The following FERMT3 variants were observed in gnomAD, a reference collection of about 807,000 sequenced individuals.
The protein encoded by FERMT3 is FERM domain containing kindlin 3, also known as fermitin family homolog 3.
Under a neutral mutation model 80.8 loss-of-function variants are expected in FERMT3, and 33 were observed. That is an observed-to-expected ratio of 0.41 (90% CI 0.31 to 0.55). The LOEUF is 0.55. FERMT3 is among the 20% of genes least tolerant of loss of function. The pLI, the probability that FERMT3 is intolerant of heterozygous loss-of-function variation, is 0.31. For synonymous variants in FERMT3, 375 were observed against 372.2 expected, an observed-to-expected ratio of 1.01 and a Z score of -0.09; for missense variants, 754 against 908.7, an observed-to-expected ratio of 0.83 and a Z score of 2.19.
chr11:64,221,420 G>C (rs1946678440), intron 13 of FERMT3, among the ~76,000 whole-genome samples: 1 of 152,012 alleles, frequency 6.6e-6, no homozygotes, highest in Non-Finnish European at 1.5e-5. Flanking sequence ...CTTGAACCCA[G>C]GAGTTTGAGA....
chr11:64,220,339 T>TGGGCAGGGGCCAGGGCC lies in FERMT3; in HGVS notation c.1311+21_1311+37dup. ...GCGGTGCCAGGATGTGAGTGAGGGC[T>TGGGCAGGGGCCAGGGCC]GGGCAGGGGCCAGGGCCGGGCAGGA... On this transcript the variant is annotated intron_variant, in intron 11 of 14. Transcript: ENST00000345728. 1 of 1,612,134 alleles carries TGGGCAGGGGCCAGGGCC rather than the reference T, an allele frequency of 6.2e-7. No individual in the cohort carries two copies. Among genetic ancestry groups the TGGGCAGGGGCCAGGGCC allele is most frequent in the South Asian group, 1.1e-5 (1 of 91,054 alleles).
At position 64,207,419 on chromosome 11, in the gene FERMT3, C is replaced by T. The variant is rs747046546; in HGVS notation, c.55C>T (p.Arg19Trp). 5.6e-6 allele frequency: 9 copies of T among 1,614,098 alleles called. No homozygotes were observed. The highest frequency in any genetic ancestry group is 1.3e-5 in the African/African-American group (1 of 75,016). The change falls in exon 2 of 15, where the codon CGG becomes TGG. Residue 19 changes from arginine (R) to tryptophan (W), a missense_variant. Coordinates refer to ENST00000345728, the MANE Select transcript of FERMT3 (RefSeq NM_031471.6). ...GDYIDSSWELRVFVGEEDPEA... is the reference protein window; with the variant it reads ...GDYIDSSWELWVFVGEEDPEA... ...CTACATCGACTCGTCATGGGAGCTGCGGGTGTTTGTGGGAGAGGAGGACCC... is the reference window on the plus strand; with the variant it reads ...CTACATCGACTCGTCATGGGAGCTGTGGGTGTTTGTGGGAGAGGAGGACCC...
intron 14 of FERMT3, 22 bp from the exon 15 acceptor site, chr11:64,223,291 T>G: frequency 5.0e-6 from 8 of 1,613,656 alleles, no homozygotes; most frequent in Non-Finnish European, 6.8e-6. Context: ...ACCCACCATT[T>G]GCCCCTCTGT....
In FERMT3 at chr11:64,211,373, C is replaced by T; in HGVS notation, c.613C>T (p.Pro205Ser). The part of the protein sequence containing the change: ...YHMLSRPQPP[P>S]DPLLLQRLPR... ...CATGCTGAGCCGGCCCCAGCCGCCA[C>T]CCGACCCCCTCCTGCTCCAGCGTCT... The change falls in exon 5 of 15, where the codon CCC (proline) becomes TCC (serine). Residue 205 changes from proline (P) to serine (S), a missense_variant. Coordinates refer to ENST00000345728, the MANE Select transcript of FERMT3 (RefSeq NM_031471.6). The surrounding 1 kb of genome is among the most constrained non-coding windows in gnomAD (Gnocchi z 4.7). The T allele has an allele frequency of 6.2e-7, 1 of 1,610,020 alleles. No homozygotes were observed. Among genetic ancestry groups the T allele is most frequent in the Non-Finnish European group, 8.5e-7 (1 of 1,178,854 alleles).
chr11:64,222,611 G>C (rs1362662803), intron 13 of FERMT3, among the ~76,000 whole-genome samples: 1 of 146,478 alleles, frequency 6.8e-6, no homozygotes, highest in African/African-American at 2.5e-5. Flanking sequence ...GAGAGCAGAA[G>C]AACCAGTTCT....
In FERMT3 at chr11:64,211,527, T is replaced by G. The variant is rs77942425; in HGVS notation, c.683+84T>G. 795 of 1,505,892 alleles carry G rather than the reference T, an allele frequency of 5.3e-4. 7 individuals carry two copies. The East Asian group carries it at 0.015, about 28-fold the overall frequency. 93.3% of individuals were successfully genotyped at this position (1,505,892 alleles called of 1,614,324 possible). A position where few individuals can be genotyped will look rare whatever the true frequency, so the allele number is the denominator to read the frequency against. ...GTCCCGTGTCTGTGCCCACCCCAGA[T>G]CCACACTTCGTTTCCAGGCCTTTTC... On this transcript the variant is annotated intron_variant, in intron 5 of 14. Transcript: ENST00000345728. This position sits in a 1 kb window ranked among gnomAD's most constrained non-coding sequence, Gnocchi z 4.7.
At chr11:64,214,761 T>C (rs1449551366) in intron 6 of FERMT3, among the ~76,000 whole-genome samples, 1 of 152,054 alleles carries the variant, frequency 6.6e-6, no homozygotes, top group Non-Finnish European at 1.5e-5. Context: ...GTAACTATAT[T>C]TTTAAGTTCC....
chr11:64,223,763 G>T lies in FERMT3; in HGVS notation c.*271G>T. ...TGAGGCTGATACCCCTGACCTATCT[G>T]CAGTCCCCCAGCACACAAGGAAGAC... On this transcript the variant is annotated 3_prime_UTR_variant, in exon 15 of 15. Transcript: ENST00000345728. The T allele has an allele frequency of 1.2e-6, 1 of 845,158 alleles. No individual in the cohort carries two copies. Among genetic ancestry groups the T allele is most frequent in the Non-Finnish European group, 1.8e-6 (1 of 545,116 alleles). 52.4% of individuals were successfully genotyped at this position (845,158 alleles called of 1,614,324 possible).
At chr11:64,222,062 A>G (rs1565297911) in intron 13 of FERMT3, among the ~76,000 whole-genome samples, 1 of 151,642 alleles carries the variant, frequency 6.6e-6, no homozygotes, top group Non-Finnish European at 1.5e-5. Context: ...AACATGGTGA[A>G]ACCCTGTATC....
Position 64,221,048 on chromosome 11 carries a change from T to C in FERMT3, c.1578T>C (p.Asn526=), listed in dbSNP as rs1288349776. The change falls in exon 13 of 15, where the codon AAT becomes AAC. Residue 526 remains asparagine, a synonymous_variant. Coordinates refer to ENST00000345728, the MANE Select transcript of FERMT3 (RefSeq NM_031471.6). ...CACGGATCCTGGAAGCCCACCAGAA[T>C]GTGGCCCAGTTGTCGCTGGCAGAGG... ...LTPRILEAHQ[N]VAQLSLAEAQ... 1 of 1,612,892 alleles carries C rather than the reference T, an allele frequency of 6.2e-7. No individual in the cohort carries two copies. Among genetic ancestry groups the C allele is most frequent in the Admixed American group, 1.7e-5 (1 of 60,026 alleles).
At chr11:64,207,243 A>C (rs765896901) in intron 1 of FERMT3, 108 bp from the exon 2 acceptor site, 5 of 1,340,592 alleles carry the variant, frequency 3.7e-6, no homozygotes, top group Non-Finnish European at 5.2e-6. Context: ...GCCCTCCTTC[A>C]TGAGCGGCTT....
intron 2 of FERMT3, 155 bp downstream of exon 2, chr11:64,207,679 T>C (rs1946343579): frequency 1.1e-6 from 1 of 888,826 alleles, no homozygotes; most frequent in East Asian, 2.7e-5. Context: ...AAAAAAGACA[T>C]TTCCCCAACT....
chr11:64,207,070 G>A (rs1043120323), intron 1 of FERMT3, among the ~76,000 whole-genome samples: 2 of 152,204 alleles, frequency 1.3e-5, no homozygotes, highest in African/African-American at 4.8e-5. Flanking sequence ...ATTGAGCACG[G>A]TGGTCCTGAG....
intron 12 of FERMT3, 123 bp from the exon 13 acceptor site, chr11:64,220,893 C>T: frequency 1.3e-6 from 2 of 1,532,770 alleles, no homozygotes; most frequent in Admixed American, 3.5e-5. Context: ...ACCTTGGCGG[C>T]CCCACGTGGG....
intron 6 of FERMT3, among the ~76,000 whole-genome samples, chr11:64,216,079 G>C (rs11231724): frequency 6.6e-6 from 1 of 151,584 alleles, no homozygotes; most frequent in African/African-American, 2.4e-5. Context: ...TGATCCGCCC[G>C]CCTCGGCCTC....
At position 64,219,442 on chromosome 11, in the gene FERMT3, C is replaced by G; in HGVS notation, c.895-82C>G. ...GAAGGGCCTTCCTGAGTGGGGGCTA[C>G]CTCCAGGGAAGCCCGGCCTGGGGGT... On this transcript the variant is annotated intron_variant, in intron 7 of 14. Coordinates refer to ENST00000345728, the MANE Select transcript of FERMT3 (RefSeq NM_031471.6). The surrounding 1 kb of genome is among the most constrained non-coding windows in gnomAD (Gnocchi z 4.0). The G allele has an allele frequency of 6.4e-7, 1 of 1,558,664 alleles. No individual in the cohort carries two copies. Among genetic ancestry groups the G allele is most frequent in the Non-Finnish European group, 8.7e-7 (1 of 1,151,782 alleles).
At chr11:64,213,618 C>T (rs1486567033) in intron 6 of FERMT3, among the ~76,000 whole-genome samples, 2 of 140,630 alleles carry the variant, frequency 1.4e-5, no homozygotes, top group African/African-American at 2.7e-5. Flanking sequence ...AGTGCAATGA[C>T]GTGATCTCAG....
Position 64,219,768 on chromosome 11 carries a change from A to G in FERMT3, c.1058A>G (p.Lys353Arg). Residue 353 changes from lysine to arginine, a missense_variant, in exon 9 of 15, where the codon AAG (lysine) becomes AGG (arginine). Transcript: ENST00000345728. This position sits in a 1 kb window ranked among gnomAD's most constrained non-coding sequence, Gnocchi z 4.0. Reference protein sequence around the residue: ...LDSLTTIPELKDHLRIFRPRK... With the variant: ...LDSLTTIPELRDHLRIFRPRK... Reference sequence around the variant, plus strand: ...AGCCTCACCACCATCCCAGAGCTCAAGGACCATCTCCGAATCTTTCGGTGA... The same window carrying G: ...AGCCTCACCACCATCCCAGAGCTCAGGGACCATCTCCGAATCTTTCGGTGA... 1 of 1,614,038 alleles carries G rather than the reference A, an allele frequency of 6.2e-7. No homozygotes were observed. The highest frequency in any genetic ancestry group is 8.5e-7 in the Non-Finnish European group (1 of 1,179,992).
intron 6 of FERMT3, among the ~76,000 whole-genome samples, chr11:64,216,110 G>A (rs947278677): frequency 1.6e-4 from 25 of 151,692 alleles, no homozygotes; most frequent in Non-Finnish European, 3.5e-4. Context: ...AGGATTACAC[G>A]CGTGAGCCAC....
Sources: gnomAD v4.1 joint callset for allele counts (sites outside exome capture counted in the v4.1 genomes callset) on GRCh38, gnomAD v4.1.1 for gene constraint, Gnocchi (gnomAD v3.1) non-coding constraint, MANE v1.5 for transcripts, NCBI Gene and HGNC (gene_info 2026-07-23, HGNC 2026-07-21) for gene names.